ASH1L: variants seen among roughly 807,000 people sequenced by gnomAD.
ASH1L encodes histone-lysine N-methyltransferase ASH1L.
In ASH1L, 23 loss-of-function variants were observed where a neutral mutation model predicts 269.0. That is an observed-to-expected ratio of 0.09 (90% CI 0.06 to 0.12). The LOEUF is 0.12. Ranked by LOEUF, ASH1L falls within the 10% of genes least tolerant of loss-of-function variation. The pLI is 1.00. For missense variants in ASH1L, 2,912 were observed against 3,567.8 expected, an observed-to-expected ratio of 0.82 and a Z score of 4.68; for synonymous variants, 1,187 against 1,253.5, an observed-to-expected ratio of 0.95 and a Z score of 1.12.
intron 19 of ASH1L, among the ~76,000 whole-genome samples, chr1:155,349,017 G>A (rs191412658): frequency 6.6e-6 from 1 of 150,946 alleles, no homozygotes. Context: ...AGAAACTACA[G>A]ATATTAGTTA....
rs999945766 is a variant in ASH1L at position 155,379,746 on chromosome 1, C to T, written c.6177+297G>A. 2.6e-5 allele frequency among the ~76,000 whole-genome samples: 4 copies of T among 152,158 alleles called. No individual in the cohort carries two copies. In the East Asian group the frequency reaches 7.7e-4, roughly 29 times the overall value. On this transcript the variant is annotated intron_variant, in intron 8 of 27. Transcript: ENST00000392403. ...TACATCTAAATTCTCCTGAGACCTG[C>T]ATCAAATAGAATTCTTACAGAACAA...
chr1:155,347,224 C>A (rs1249370430), intron 20 of ASH1L, among the ~76,000 whole-genome samples: 1 of 152,068 alleles, frequency 6.6e-6, no homozygotes, highest in Non-Finnish European at 1.5e-5. Context: ...CATGGTGACA[C>A]CCCATCTCTA....
intron 8 of ASH1L, among the ~76,000 whole-genome samples, chr1:155,379,516 A>C (rs969622197): frequency 6.6e-6 from 1 of 152,194 alleles, no homozygotes; most frequent in Non-Finnish European, 1.5e-5. Flanking sequence ...GAAACTTTTC[A>C]ATTTGGGAAG....
chr1:155,537,891 GCCACTCC>G (rs1255507033), intron 1 of ASH1L, among the ~76,000 whole-genome samples: 2 of 152,160 alleles, frequency 1.3e-5, no homozygotes, highest in African/African-American at 4.8e-5. Context: ...CTCTCTGGAA[GCCACTCC>G]TGAGTCTTAT....
At chr1:155,520,761 C>G (rs12044391) in intron 2 of ASH1L, among the ~76,000 whole-genome samples, 2 of 152,038 alleles carry the variant, frequency 1.3e-5, no homozygotes, top group African/African-American at 2.4e-5. Context: ...ACTCGGGAGG[C>G]TGAGGCAGGA....
intron 5 of ASH1L, among the ~76,000 whole-genome samples, chr1:155,432,548 C>T (rs1661688030): frequency 2.6e-5 from 4 of 152,090 alleles, no homozygotes; most frequent in Admixed American, 2.6e-4. Context: ...AGTTGAAAAA[C>T]TGTTGCTATC....
At chr1:155,425,894 G>T (rs1571181305) in intron 5 of ASH1L, among the ~76,000 whole-genome samples, 3 of 143,530 alleles carry the variant, frequency 2.1e-5, no homozygotes, top group Non-Finnish European at 3.0e-5. Flanking sequence ...TTTTTGTGGT[G>T]TTTTTTTTTT....
chr1:155,551,559 C>T (rs1208387195), intron 1 of ASH1L, among the ~76,000 whole-genome samples: 1 of 146,352 alleles, frequency 6.8e-6, no homozygotes, highest in African/African-American at 2.5e-5. Flanking sequence ...ACTTGGGAGG[C>T]TGAGGCAGGA....
intron 1 of ASH1L, among the ~76,000 whole-genome samples, chr1:155,524,085 A>T (rs375312392): frequency 6.6e-6 from 1 of 152,032 alleles, no homozygotes; most frequent in East Asian, 1.9e-4. Context: ...TAATAACCTC[A>T]CTCTCCTCTA....
Position 155,344,217 on chromosome 1 carries a change from G to T in ASH1L, c.7947C>A (p.Ile2649=). ...GCAGCAAGTCATCTCGGAGCAAACA[G>T]ATGAAGTAGACACAGCCAGGTTGGG... ...HYAQPGCVYF[I]CLLRDDLLLR... Residue 2649 remains isoleucine (I), a synonymous_variant, in exon 22 of 28, where the codon ATC becomes ATA. Coordinates refer to ENST00000392403, the MANE Select transcript of ASH1L (RefSeq NM_018489.3). The T allele has an allele frequency of 6.2e-7, 1 of 1,614,188 alleles. No individual in the cohort carries two copies. Among genetic ancestry groups the T allele is most frequent in the Non-Finnish European group, 8.5e-7 (1 of 1,180,040 alleles).
At chr1:155,464,469 G>C (rs1664528265) in intron 3 of ASH1L, among the ~76,000 whole-genome samples, 1 of 151,576 alleles carries the variant, frequency 6.6e-6, no homozygotes, top group Non-Finnish European at 1.5e-5. Flanking sequence ...AATATGTTTG[G>C]AAATTCTACA....
chr1:155,406,848 G>A (rs766440950), intron 6 of ASH1L, among the ~76,000 whole-genome samples: 10 of 151,874 alleles, frequency 6.6e-5, no homozygotes, highest in South Asian at 2.1e-4. Flanking sequence ...TTTATATCAC[G>A]GACAAAGGCA....
Position 155,443,744 on chromosome 1 carries a change from A to G in ASH1L, c.5087-4676T>C, listed in dbSNP as rs137904870. ...TTCACACAGCATAAATCTGAGAATCATTCACATTGCCACATTTCTTTTTAC... is the reference window on the plus strand; with the variant it reads ...TTCACACAGCATAAATCTGAGAATCGTTCACATTGCCACATTTCTTTTTAC... On this transcript the variant is annotated intron_variant, in intron 4 of 27. Coordinates refer to ENST00000392403, the MANE Select transcript of ASH1L (RefSeq NM_018489.3). 7.2e-5 allele frequency among the ~76,000 whole-genome samples: 11 copies of G among 152,344 alleles called. No homozygotes were observed. The East Asian group carries it at 2.1e-3, about 29-fold the overall frequency.
At chr1:155,392,875 G>A (rs1201012686) in intron 7 of ASH1L, among the ~76,000 whole-genome samples, 1 of 145,994 alleles carries the variant, frequency 6.8e-6, no homozygotes, top group African/African-American at 2.5e-5. Flanking sequence ...TCTCACTCTT[G>A]TCACCCATGC....
chr1:155,549,757 G>A (rs1447774080), intron 1 of ASH1L, among the ~76,000 whole-genome samples: 2 of 151,994 alleles, frequency 1.3e-5, no homozygotes, highest in Non-Finnish European at 2.9e-5. Context: ...ATCTCTCACA[G>A]ATACCGAGGG....
chr1:155,360,172 G>A (rs1654821675), intron 13 of ASH1L, 129 bp downstream of exon 13: 1 of 650,320 alleles, frequency 1.5e-6, no homozygotes, highest in Middle Eastern at 4.3e-4. Context: ...TTAAAGGTGT[G>A]AACCACTGTG....
intron 2 of ASH1L, among the ~76,000 whole-genome samples, chr1:155,500,408 G>C (rs1570994209): frequency 6.6e-6 from 1 of 152,274 alleles, no homozygotes; most frequent in South Asian, 2.1e-4. Flanking sequence ...TCAAGATGAA[G>C]GTAAGACTAC....
chr1:155,339,304 C>CTCATATCCCCCCATGGGACTTAG, intron 26 of ASH1L, 24 bp downstream of exon 26: 1 of 1,609,878 alleles, frequency 6.2e-7, no homozygotes, highest in Non-Finnish European at 8.5e-7. Context: ...CCTTAGGATC[C>CTCATATCCCCCCATGGGACTTAG]TCATATCCCC....
chr1:155,358,346 G>C (rs1654598238), intron 13 of ASH1L, among the ~76,000 whole-genome samples: 1 of 151,984 alleles, frequency 6.6e-6, no homozygotes, highest in South Asian at 2.1e-4. Flanking sequence ...CAGAAAGGTG[G>C]AGTACAGAGT....
Sources: allele counts gnomAD v4.1 joint callset (sites outside exome capture counted in the v4.1 genomes callset), GRCh38; gene constraint gnomAD v4.1.1; transcripts MANE v1.5; gene names NCBI Gene and HGNC (gene_info 2026-07-23, HGNC 2026-07-21).